GRM7: variants seen among roughly 807,000 people sequenced by gnomAD.
The protein encoded by GRM7 is glutamate metabotropic receptor 7.
In GRM7, 35 loss-of-function variants were observed where a neutral mutation model predicts 84.5. That is an observed-to-expected ratio of 0.41 (90% CI 0.32 to 0.55). The LOEUF is 0.55. Among genes scored for constraint, GRM7 ranks in the 20% least tolerant of loss-of-function variants. GRM7 has a pLI of 0.19. For missense variants in GRM7, 1,003 were observed against 1,194.6 expected (o/e 0.84, Z 2.36); for synonymous variants, 487 against 455.1 (o/e 1.07, Z -0.89).
intron 1 of GRM7, among the ~76,000 whole-genome samples, chr3:6,982,639 C>G (rs1694253693): frequency 6.6e-6 from 1 of 151,838 alleles, no homozygotes; most frequent in Non-Finnish European, 1.5e-5. Context: ...TATGTTATTA[C>G]TTTATCGTCA....
chr3:7,432,569 G>T (rs997822942), intron 5 of GRM7, among the ~76,000 whole-genome samples: 1 of 151,542 alleles, frequency 6.6e-6, no homozygotes, highest in African/African-American at 2.4e-5. Flanking sequence ...CAATCTTCCC[G>T]CCTGTGCCTC....
intron 4 of GRM7, among the ~76,000 whole-genome samples, chr3:7,357,174 T>C (rs1693446617): frequency 6.6e-6 from 1 of 151,966 alleles, no homozygotes; most frequent in Non-Finnish European, 1.5e-5. Context: ...GGTTCTGTTT[T>C]CTAGCATAAG....
At chr3:7,222,089 G>A (rs1696824166) in intron 2 of GRM7, among the ~76,000 whole-genome samples, 1 of 151,854 alleles carries the variant, frequency 6.6e-6, no homozygotes, top group Non-Finnish European at 1.5e-5. Context: ...GATTACAGGC[G>A]CGAGCCCCCG....
At position 7,416,727 on chromosome 3, in the gene GRM7, C is replaced by T. The variant is rs566775739; in HGVS notation, c.1174+1564C>T. ...ACATTCTCCAGATCATGCTATATAA[C>T]AATAGTTCTGAGATATGGTCCCTAG... On this transcript the variant is annotated intron_variant, in intron 5 of 9. Coordinates refer to ENST00000357716, the MANE Select transcript of GRM7 (RefSeq NM_000844.4). Among the ~76,000 whole-genome samples the T allele has an allele frequency of 5.3e-5, 8 of 152,112 alleles. No individual in the cohort carries two copies. In the South Asian group the frequency reaches 1.5e-3, roughly 28 times the overall value.
intron 1 of GRM7, among the ~76,000 whole-genome samples, chr3:6,913,934 GTATTCAGGA>G (rs771666785): frequency 6.6e-6 from 1 of 152,070 alleles, no homozygotes; most frequent in Non-Finnish European, 1.5e-5. Context: ...TTTTCTCTTG[GTATTCAGGA>G]TACTACATAC....
At chr3:7,103,670 G>T (rs9867217) in intron 1 of GRM7, among the ~76,000 whole-genome samples, 9,235 of 151,442 alleles carry the variant, frequency 0.061, 681 homozygotes, top group African/African-American at 0.14. Context: ...ACATTTGATT[G>T]CATGACCTCT....
intron 3 of GRM7, among the ~76,000 whole-genome samples, chr3:7,303,958 G>C (rs1700097447): frequency 6.7e-6 from 1 of 150,274 alleles, no homozygotes; most frequent in Admixed American, 6.6e-5. Context: ...AGTAAATTAA[G>C]GGAAAACTTT....
intron 5 of GRM7, among the ~76,000 whole-genome samples, chr3:7,420,249 G>A (rs1696340264): frequency 6.6e-6 from 1 of 150,506 alleles, no homozygotes. Context: ...CAGAATATAT[G>A]TGCAGAAATA....
At chr3:7,631,744 G>A (rs1697869191) in intron 8 of GRM7, among the ~76,000 whole-genome samples, 1 of 152,004 alleles carries the variant, frequency 6.6e-6, no homozygotes, top group South Asian at 2.1e-4. Flanking sequence ...CCGTTTCCCG[G>A]GTGTGTCAAC....
intron 2 of GRM7, among the ~76,000 whole-genome samples, chr3:7,274,107 A>G (rs898355838): frequency 6.6e-6 from 1 of 151,986 alleles, no homozygotes; most frequent in East Asian, 1.9e-4. Flanking sequence ...TGATTTTCAA[A>G]TAACACTATT....
At chr3:7,715,505 T>C (rs1701744116) in intron 9 of GRM7, among the ~76,000 whole-genome samples, 1 of 152,182 alleles carries the variant, frequency 6.6e-6, no homozygotes, top group African/African-American at 2.4e-5. Context: ...TGGTAACATA[T>C]ATTTACTAAG....
intron 1 of GRM7, among the ~76,000 whole-genome samples, chr3:7,122,103 A>G (rs1437092591): frequency 1.3e-5 from 2 of 152,142 alleles, no homozygotes; most frequent in Admixed American, 1.3e-4. Context: ...TTCTTTATAA[A>G]TTACCCAGTC....
intron 4 of GRM7, among the ~76,000 whole-genome samples, chr3:7,345,267 A>G (rs943930590): frequency 6.6e-6 from 1 of 151,334 alleles, no homozygotes; most frequent in Non-Finnish European, 1.5e-5. Flanking sequence ...TATCTTAACA[A>G]TTATTCCTTT....
At chr3:7,041,117 T>C (rs911625425) in intron 1 of GRM7, among the ~76,000 whole-genome samples, 2 of 151,230 alleles carry the variant, frequency 1.3e-5, no homozygotes, top group African/African-American at 2.4e-5. Flanking sequence ...GGTGATTGCA[T>C]GTTAAAAATT....
At chr3:7,076,648 G>A (rs1444904943) in intron 1 of GRM7, among the ~76,000 whole-genome samples, 3 of 152,032 alleles carry the variant, frequency 2.0e-5, no homozygotes, top group African/African-American at 7.2e-5. Flanking sequence ...GCACCCCAAT[G>A]GAGCGCTGTA....
intron 2 of GRM7, among the ~76,000 whole-genome samples, chr3:7,163,632 T>C (rs569422662): frequency 4.9e-4 from 74 of 152,246 alleles, no homozygotes; most frequent in Admixed American, 1.4e-3. Context: ...TGTTGGATGT[T>C]ATTTTAGACA....
Position 6,861,631 on chromosome 3 carries a change from G to A in GRM7, c.243G>A (p.Ala81=). The part of the protein sequence containing the change: ...KRENGIHRLE[A]MLYALDQINS... ...AAAACGGGATCCACAGGCTGGAAGC[G>A]ATGCTCTACGCCCTGGACCAGATCA... Residue 81 remains alanine, a synonymous_variant, in exon 1 of 10, where the codon GCG becomes GCA. Transcript: ENST00000357716. The surrounding 1 kb of genome is among the most constrained non-coding windows in gnomAD (Gnocchi z 6.4). 6.2e-7 allele frequency: 1 copy of A among 1,613,472 alleles called. No homozygotes were observed. The highest frequency in any genetic ancestry group is 2.2e-5 in the East Asian group (1 of 44,798).
chr3:7,479,628 G>A (rs1452874980), intron 7 of GRM7, among the ~76,000 whole-genome samples: 1 of 152,198 alleles, frequency 6.6e-6, no homozygotes, highest in Non-Finnish European at 1.5e-5. Flanking sequence ...CTGTATGCCA[G>A]TCACTATGCT....
chr3:7,257,819 T>C (rs1453256772), intron 2 of GRM7, among the ~76,000 whole-genome samples: 1 of 152,206 alleles, frequency 6.6e-6, no homozygotes, highest in Non-Finnish European at 1.5e-5. Context: ...CCTTGGTCCT[T>C]CTGAGATATT....
Sources: gnomAD v4.1 joint callset for allele counts (sites outside exome capture counted in the v4.1 genomes callset) on GRCh38, gnomAD v4.1.1 for gene constraint, Gnocchi (gnomAD v3.1) non-coding constraint, MANE v1.5 for transcripts, NCBI Gene and HGNC (gene_info 2026-07-23, HGNC 2026-07-21) for gene names.